Variants in PPP1R12A observed in about 807,000 individuals in gnomAD.
PPP1R12A encodes myosin binding subunit.
A neutral mutation model predicts 139.6 loss-of-function variants in PPP1R12A; 19 were observed. The ratio of observed to expected loss-of-function variants is 0.14; its 90% CI spans 0.09 to 0.20. PPP1R12A has a LOEUF of 0.20. Among genes scored for constraint, PPP1R12A ranks in the 10% least tolerant of loss-of-function variants. The pLI is 1.00. For synonymous variants in PPP1R12A, 427 were observed against 420.6 expected (o/e 1.02, Z -0.19); for missense variants, 925 against 1,211.5 (o/e 0.76, Z 3.51).
At chr12:79,864,936 GAA>G (rs1040026567) in intron 2 of PPP1R12A, among the ~76,000 whole-genome samples, 12 of 152,230 alleles carry the variant, frequency 7.9e-5, no homozygotes, top group Admixed American at 2.0e-4. Context: ...CTGATCAACA[GAA>G]AAAGAGGCAA....
At chr12:79,801,345 CAAAAAAAAAAAAAAAAAAAAAAAA>C (rs201977462) in intron 14 of PPP1R12A, among the ~76,000 whole-genome samples, 1,602 of 20,188 alleles carry the variant, frequency 0.079, 74 homozygotes, top group Admixed American at 0.18. Context: ...AACTCTGTCT[CAAAAAAAAAAAAAAAAAAAAAAAA>C]AAAAAAAAAA....
intron 1 of PPP1R12A, among the ~76,000 whole-genome samples, chr12:79,916,857 T>C (rs1000671584): frequency 3.3e-5 from 5 of 152,182 alleles, no homozygotes; most frequent in African/African-American, 1.2e-4. Context: ...CCATAAAATA[T>C]TACTGGGAAT....
intron 21 of PPP1R12A, 72 bp downstream of exon 21, chr12:79,788,576 A>C: frequency 5.1e-6 from 7 of 1,369,958 alleles, no homozygotes; most frequent in Non-Finnish European, 6.9e-6. Flanking sequence ...TGAGTTTTTA[A>C]AATAATATTT....
chr12:79,915,555 A>G (rs1476321542), intron 1 of PPP1R12A, among the ~76,000 whole-genome samples: 2 of 152,150 alleles, frequency 1.3e-5, no homozygotes, highest in South Asian at 2.1e-4. Flanking sequence ...TAAACTTCCA[A>G]TGACTTACTT....
intron 2 of PPP1R12A, chr12:79,848,885 A>T (rs537010939): frequency 1.8e-4 from 28 of 152,244 alleles, no homozygotes; most frequent in African/African-American, 6.7e-4. Flanking sequence ...AGAAACTTTT[A>T]TGCTCTGCAG....
At chr12:79,837,186 T>A (rs1286028397) in intron 3 of PPP1R12A, among the ~76,000 whole-genome samples, 1 of 152,112 alleles carries the variant, frequency 6.6e-6, no homozygotes, top group Non-Finnish European at 1.5e-5. Flanking sequence ...ATGAAAATAA[T>A]ATATAATAAA....
intron 1 of PPP1R12A, 136 bp from the exon 2 acceptor site, chr12:79,873,074 A>G: frequency 5.0e-6 from 5 of 990,860 alleles, no homozygotes; most frequent in Non-Finnish European, 7.2e-6. Flanking sequence ...TGCTATCTTG[A>G]CTATACTCCA....
chr12:79,819,350 T>C (rs778453639), intron 8 of PPP1R12A: 1 of 152,224 alleles, frequency 6.6e-6, no homozygotes, highest in Non-Finnish European at 1.5e-5. Flanking sequence ...TAAGGTCTCT[T>C]GTTTGTTTTA....
chr12:79,917,471 G>A (rs1178022420), intron 1 of PPP1R12A, among the ~76,000 whole-genome samples: 2 of 131,526 alleles, frequency 1.5e-5, no homozygotes, highest in African/African-American at 2.9e-5. Context: ...GTGACGGAGC[G>A]AGACTCTGTC....
At chr12:79,801,525 A>AG (rs1873184840) in intron 14 of PPP1R12A, among the ~76,000 whole-genome samples, 1 of 151,934 alleles carries the variant, frequency 6.6e-6, no homozygotes, top group Admixed American at 6.6e-5. Flanking sequence ...TAAAGCTCTC[A>AG]GTTCAGCGAG....
intron 2 of PPP1R12A, among the ~76,000 whole-genome samples, chr12:79,862,104 A>G (rs1003909078): frequency 8.5e-5 from 13 of 152,148 alleles, no homozygotes; most frequent in African/African-American, 3.1e-4. Flanking sequence ...CTTCTAGGAC[A>G]AAGCTTCTAG....
chr12:79,865,798 A>G (rs1881896571), intron 2 of PPP1R12A, among the ~76,000 whole-genome samples: 1 of 152,122 alleles, frequency 6.6e-6, no homozygotes, highest in Non-Finnish European at 1.5e-5. Context: ...ACTACAAACC[A>G]CTGCTCAAGG....
intron 3 of PPP1R12A, among the ~76,000 whole-genome samples, chr12:79,836,966 C>A (rs574553513): frequency 6.6e-6 from 1 of 152,174 alleles, no homozygotes; most frequent in East Asian, 1.9e-4. Context: ...CAATATCTAT[C>A]CCATATGGTT....
Position 79,870,201 on chromosome 12 carries a change from CAATTCTCCTGCCTTAGCCTCCAGA to C in PPP1R12A, c.368+2583_368+2606del, listed in dbSNP as rs1246323426. 1.3e-4 allele frequency among the ~76,000 whole-genome samples: 20 copies of C among 152,206 alleles called. No homozygotes were observed. The East Asian group carries it at 1.9e-3, about 15-fold the overall frequency. ...GCAACCTCTGCCTCCCAGGCTCAAG[CAATTCTCCTGCCTTAGCCTCCAGA>C]AATTCTCCTGCCTTAGCCTCCAGAG... On this transcript the variant is annotated intron_variant, in intron 2 of 24. Transcript: ENST00000450142.
chr12:79,837,594 T>G (rs886317361), intron 3 of PPP1R12A, among the ~76,000 whole-genome samples: 7 of 152,192 alleles, frequency 4.6e-5, no homozygotes, highest in Non-Finnish European at 8.8e-5. Context: ...GTAGTTCCCA[T>G]AATCCCTACA....
chr12:79,846,665 G>A lies in PPP1R12A; in HGVS notation c.369-1245C>T, dbSNP rs557978114. ...ACCGTGGTCTCAATCTCCTGACCTC[G>A]TGATCCGCCTGCCTCGGCCTCCCAA... is the stretch of plus-strand genomic sequence containing the variant. On this transcript the variant is annotated intron_variant, in intron 2 of 24. Transcript: ENST00000450142. Among the ~76,000 whole-genome samples, 12 of 148,094 alleles carry A rather than the reference G, an allele frequency of 8.1e-5. 1 individual carries two copies. Among genetic ancestry groups the A allele is most frequent in the Admixed American group, 6.8e-4 (10 of 14,628 alleles).
intron 1 of PPP1R12A, among the ~76,000 whole-genome samples, chr12:79,929,673 G>A (rs1592851106): frequency 6.6e-6 from 1 of 151,942 alleles, no homozygotes; most frequent in African/African-American, 2.4e-5. Flanking sequence ...GGAGGCTGTG[G>A]CAGGAGAATC....
chr12:79,831,873 A>C (rs1592683341), intron 4 of PPP1R12A, among the ~76,000 whole-genome samples: 1 of 152,340 alleles, frequency 6.6e-6, no homozygotes, highest in African/African-American at 2.4e-5. Flanking sequence ...TGCTAATAGT[A>C]CTAAGTTCCA....
intron 1 of PPP1R12A, among the ~76,000 whole-genome samples, chr12:79,924,783 A>C (rs568526385): frequency 6.6e-6 from 1 of 152,328 alleles, no homozygotes; most frequent in African/African-American, 2.4e-5. Flanking sequence ...CTATGTTCAC[A>C]AACTATAACA....
Sources: allele counts gnomAD v4.1 joint callset (sites outside exome capture counted in the v4.1 genomes callset), GRCh38; gene constraint gnomAD v4.1.1; transcripts MANE v1.5; gene names NCBI Gene and HGNC (gene_info 2026-07-23, HGNC 2026-07-21).